RSPH14: variants seen among roughly 807,000 people sequenced by gnomAD.
RSPH14 encodes the protein rhabdoid tumor deletion region gene 1.
A neutral mutation model predicts 26.7 loss-of-function variants in RSPH14; 20 were observed. The observed-to-expected ratio is 0.75, with a 90% CI of 0.53 to 1.09. The LOEUF (loss-of-function observed/expected upper bound fraction) is 1.09, where lower values mean the gene tolerates loss of function less well. RSPH14 is among the 50% of genes least tolerant of loss of function. The probability of loss-of-function intolerance (pLI) is 0.00; values close to 1 mark genes in which losing one functional copy is unlikely to be tolerated. For synonymous variants in RSPH14, 177 were observed against 189.3 expected, an observed-to-expected ratio of 0.93 and a Z score of 0.53; for missense variants, 449 against 457.2, an observed-to-expected ratio of 0.98 and a Z score of 0.16.
At chr22:23,169,400 C>T in the RSPH14 span, among the ~76,000 whole-genome samples, 1 of 152,260 alleles carries the variant, frequency 6.6e-6, no homozygotes, top group Non-Finnish European at 1.5e-5. Flanking sequence ...CTCCTCTGGC[C>T]TCCAGCCTCC....
chr22:23,157,956 G>A, the RSPH14 span: 3 of 1,613,748 alleles, frequency 1.9e-6, no homozygotes, highest in African/African-American at 4.0e-5. Flanking sequence ...GCCTCGCCTG[G>A]CACTGATTGG....
the RSPH14 span, among the ~76,000 whole-genome samples, chr22:23,153,922 C>T: frequency 6.6e-6 from 1 of 152,132 alleles, no homozygotes; most frequent in South Asian, 2.1e-4. Flanking sequence ...CTCCTGACCT[C>T]AAGTGCTCCA....
upstream of RSPH14, among the ~76,000 whole-genome samples, chr22:23,142,545 C>T (rs1296453370): frequency 1.3e-5 from 2 of 152,220 alleles, no homozygotes; most frequent in Admixed American, 1.3e-4. Flanking sequence ...GCCATGTTGG[C>T]CAGGCTGGTC....
At chr22:23,118,939 G>A (rs923331935) in intron 4 of RSPH14, among the ~76,000 whole-genome samples, 1 of 152,224 alleles carries the variant, frequency 6.6e-6, no homozygotes, top group South Asian at 2.1e-4. Context: ...GCCCACAAAG[G>A]CCAGATGGGT....
chr22:23,131,468 T>C (rs1260610689), intron 4 of RSPH14: 1 of 473,846 alleles, frequency 2.1e-6, no homozygotes, highest in Non-Finnish European at 3.5e-6. Context: ...CAAATAAAAA[T>C]TTCAAGCAAG....
the RSPH14 span, chr22:23,160,746 T>C: frequency 7.9e-7 from 1 of 1,261,698 alleles, no homozygotes; most frequent in Non-Finnish European, 1.1e-6. Context: ...CCTGGGGTCA[T>C]TGTTACTGTC....
chr22:23,065,024 C>T (rs749092467), intron 4 of RSPH14, among the ~76,000 whole-genome samples: 19 of 152,180 alleles, frequency 1.2e-4, no homozygotes, highest in Admixed American at 4.6e-4. Context: ...CTCGCCACTG[C>T]CCTGCAGCCC....
At chr22:23,121,499 C>G (rs2070023047) in intron 4 of RSPH14, among the ~76,000 whole-genome samples, 1 of 152,180 alleles carries the variant, frequency 6.6e-6, no homozygotes, top group South Asian at 2.1e-4. Context: ...GGGCTTGGAG[C>G]ACATATCCTG....
At chr22:23,102,267 G>A (rs2069324600) in intron 4 of RSPH14, among the ~76,000 whole-genome samples, 1 of 152,238 alleles carries the variant, frequency 6.6e-6, no homozygotes. Context: ...CTTTATGCGT[G>A]ACCCCATGGG....
At chr22:23,167,893 C>G in the RSPH14 span, among the ~76,000 whole-genome samples, 3,512 of 152,008 alleles carry the variant, frequency 0.023, 148 homozygotes, top group African/African-American at 0.08. Flanking sequence ...CGCATTGTTA[C>G]CCAGGCTGGA....
intron 4 of RSPH14, chr22:23,123,189 G>C: frequency 6.2e-7 from 1 of 1,613,900 alleles, no homozygotes; most frequent in Non-Finnish European, 8.5e-7. Context: ...GGACCTGCTG[G>C]CAGAGAAGAT....
At chr22:23,080,612 TG>T (rs758528990) in intron 4 of RSPH14, among the ~76,000 whole-genome samples, 13 of 152,148 alleles carry the variant, frequency 8.5e-5, no homozygotes, top group Non-Finnish European at 1.5e-4. Context: ...AGGCAGGTTG[TG>T]GGGAGAGTGT....
chr22:23,112,928 A>C (rs1251477860), intron 4 of RSPH14, among the ~76,000 whole-genome samples: 2 of 152,180 alleles, frequency 1.3e-5, no homozygotes, highest in Non-Finnish European at 2.9e-5. Flanking sequence ...TGTGCCATGG[A>C]ATACCAGCCA....
chr22:23,102,225 A>G (rs904236273), intron 4 of RSPH14, among the ~76,000 whole-genome samples: 6 of 152,226 alleles, frequency 3.9e-5, no homozygotes, highest in South Asian at 2.1e-4. Context: ...TGCTCAGTGA[A>G]TGATGGGTAT....
chr22:23,059,835 G>T, intron 6 of RSPH14, 117 bp from the exon 7 acceptor site: 1 of 1,136,356 alleles, frequency 8.8e-7, no homozygotes, highest in Non-Finnish European at 1.2e-6. Flanking sequence ...GTTTATGCCT[G>T]GTTTATGCCC....
rs575493711 is a variant in RSPH14 at position 23,089,047 on chromosome 22, C to CCGT, written c.422-24917_422-24915dup. ...ATCACTTCGTCTTGGCTCACTCTTTCCGTCGCCCAAGCTCAGCATGGGGCA... is the reference window on the plus strand; with the variant it reads ...ATCACTTCGTCTTGGCTCACTCTTTCCGTCGTCGCCCAAGCTCAGCATGGGGCA... On this transcript the variant is annotated intron_variant, in intron 4 of 6. Transcript: ENST00000216036. Among the ~76,000 whole-genome samples, 315 of 152,318 alleles carry CCGT rather than the reference C, an allele frequency of 2.1e-3. 2 individuals carry two copies. The highest frequency in any genetic ancestry group is 3.4e-3 in the Middle Eastern group (1 of 294).
chr22:23,076,267 G>A (rs75327175), intron 4 of RSPH14, among the ~76,000 whole-genome samples: 5 of 152,162 alleles, frequency 3.3e-5, no homozygotes, highest in East Asian at 3.8e-4. Flanking sequence ...TTCATTCATC[G>A]TATGTGTTTG....
intron 4 of RSPH14, chr22:23,131,557 A>G (rs2070360302): frequency 8.1e-7 from 1 of 1,239,172 alleles, no homozygotes; most frequent in Admixed American, 2.3e-5. Flanking sequence ...CCATCTCTGT[A>G]CTTCTCTGAA....
chr22:23,165,030 C>G, the RSPH14 span, among the ~76,000 whole-genome samples: 4 of 152,088 alleles, frequency 2.6e-5, no homozygotes, highest in African/African-American at 9.7e-5. Context: ...GTGGACACCC[C>G]CACAGCTCTC....
Sources: gnomAD v4.1 joint callset for allele counts (sites outside exome capture counted in the v4.1 genomes callset) on GRCh38, gnomAD v4.1.1 for gene constraint, MANE v1.5 for transcripts, NCBI Gene and HGNC (gene_info 2026-07-23, HGNC 2026-07-21) for gene names.